Variants in CLCN5 observed in about 807,000 individuals in gnomAD.
CLCN5 encodes Cl-/H+ antiporter 5.
CLCN5 carries 17 observed loss-of-function variants against 54.0 expected under a neutral mutation model. That is an observed-to-expected ratio of 0.31 (90% CI 0.22 to 0.47). The LOEUF is 0.47. CLCN5 is among the 20% of genes least tolerant of loss of function. The pLI is 1.00. For synonymous variants in CLCN5, 222 were observed against 233.0 expected (o/e 0.95, Z 0.43); for missense variants, 448 against 646.7 (o/e 0.69, Z 3.33).
intron 3 of CLCN5, among the ~76,000 whole-genome samples, chrX:49,980,393 C>T (rs1169294026): frequency 9.0e-6 from 1 of 111,629 alleles, no homozygotes; most frequent in African/African-American, 3.2e-5. Context: ...TGATTGGAAA[C>T]ATTAATATCA....
At position 50,069,465 on chromosome X, in the gene CLCN5, G is replaced by A. The variant is rs1259736005; in HGVS notation, c.164-414G>A. 6.8e-5 allele frequency: 51 copies of A among 755,294 alleles called. No homozygotes were observed. In the Admixed American group the frequency reaches 3.6e-3, roughly 53 times the overall value. 62.2% of individuals were successfully genotyped at this position (755,294 alleles called of 1,213,427 possible). A position where few individuals can be genotyped will look rare whatever the true frequency, so the allele number is the denominator to read the frequency against. On this transcript the variant is annotated intron_variant, in intron 4 of 14. Transcript: ENST00000376091. Reference sequence around the variant, plus strand: ...CAGCCAGGCAAAAACCACTTCATAGGATTGAATTATTGCCTTATAAATGTA... The same window carrying A: ...CAGCCAGGCAAAAACCACTTCATAGAATTGAATTATTGCCTTATAAATGTA...
intron 3 of CLCN5, among the ~76,000 whole-genome samples, chrX:49,994,897 A>G (rs1335040147): frequency 8.9e-6 from 1 of 112,125 alleles, no homozygotes; most frequent in Non-Finnish European, 1.9e-5. Context: ...TGCAACTAAG[A>G]TGCAGAAACA....
chrX:49,945,200 A>G (rs1430262306), intron 3 of CLCN5: 1 of 111,813 alleles, frequency 8.9e-6, no homozygotes, highest in Non-Finnish European at 1.9e-5. Flanking sequence ...ATGTGGCACA[A>G]TAAGACTTTT....
intron 3 of CLCN5, among the ~76,000 whole-genome samples, chrX:49,997,306 A>G (rs1160225261): frequency 1.8e-5 from 2 of 110,553 alleles, no homozygotes; most frequent in Admixed American, 1.9e-4. Context: ...TTATTTCAGG[A>G]TTTTTCAGGA....
chrX:50,066,316 C>A (rs1557190871), intron 4 of CLCN5, among the ~76,000 whole-genome samples: 1 of 110,916 alleles, frequency 9.0e-6, no homozygotes, highest in African/African-American at 3.3e-5. Context: ...CAATCCTCCT[C>A]CTTAATGCTA....
intron 3 of CLCN5, among the ~76,000 whole-genome samples, chrX:50,012,396 C>A (rs1242744447): frequency 8.9e-6 from 1 of 112,418 alleles, no homozygotes; most frequent in Non-Finnish European, 1.9e-5. Flanking sequence ...CTCACACATG[C>A]ATATGAAGAA....
At chrX:49,948,323 G>T (rs1296416311) in intron 3 of CLCN5, among the ~76,000 whole-genome samples, 1 of 110,985 alleles carries the variant, frequency 9.0e-6, no homozygotes, top group Admixed American at 9.7e-5. Flanking sequence ...TCCAGGTGTT[G>T]AGTCCCAGAT....
At chrX:49,924,164 G>GTTTTTTTTTT (rs1925217923) in intron 2 of CLCN5, among the ~76,000 whole-genome samples, 6 of 81,505 alleles carry the variant, frequency 7.4e-5, no homozygotes, top group African/African-American at 3.1e-4. Flanking sequence ...TTTTTTTTTG[G>GTTTTTTTTTT]TTTGAGCCGG....
rs1357207969 is a variant in CLCN5, at chrX:50,090,029, G to A, written c.1745-87G>A. On this transcript the variant is annotated intron_variant, in intron 12 of 14. Coordinates refer to ENST00000376091, the MANE Select transcript of CLCN5 (RefSeq NM_001127898.4). Reference sequence around the variant, plus strand: ...TTGTAGGTGAGACCTCATTGTTTTTGGTAGGTCAGCTTTTCCTGGAAAGGC... The same window carrying A: ...TTGTAGGTGAGACCTCATTGTTTTTAGTAGGTCAGCTTTTCCTGGAAAGGC... 34 of 997,154 alleles carry A rather than the reference G, an allele frequency of 3.4e-5. No individual in the cohort carries two copies. In the East Asian group the frequency reaches 1.0e-3, roughly 30 times the overall value. The allele number at this position is 997,154 out of a possible 1,213,427, so 82.2% of individuals were successfully genotyped here. A position where few individuals can be genotyped will look rare whatever the true frequency, so the allele number is the denominator to read the frequency against.
In CLCN5 at chrX:50,067,546, T is replaced by G. The variant is rs41310663; in HGVS notation, c.164-2333T>G. ...TGGTCCAAAGGTCTGGTCACGTGAC[T>G]CCAACAGTGACATCACATTCTGACC... On this transcript the variant is annotated intron_variant, in intron 4 of 14. Coordinates refer to ENST00000376091, the MANE Select transcript of CLCN5 (RefSeq NM_001127898.4). 6.0e-4 allele frequency: 447 copies of G among 739,353 alleles called. No individual in the cohort carries two copies. Among genetic ancestry groups the G allele is most frequent in the Admixed American group, 7.1e-4 (8 of 11,208 alleles). The allele number at this position is 739,353 out of a possible 1,213,427, so 60.9% of individuals were successfully genotyped here. A position where few individuals can be genotyped will look rare whatever the true frequency, so the allele number is the denominator to read the frequency against.
At chrX:50,055,891 G>C (rs1444405949) in intron 4 of CLCN5, among the ~76,000 whole-genome samples, 1 of 110,225 alleles carries the variant, frequency 9.1e-6, no homozygotes, top group African/African-American at 3.3e-5. Flanking sequence ...GTACACATCA[G>C]TCTACTTCTT....
chrX:49,984,178 C>G (rs1368015707), intron 3 of CLCN5, among the ~76,000 whole-genome samples: 1 of 111,554 alleles, frequency 9.0e-6, no homozygotes, highest in African/African-American at 3.3e-5. Flanking sequence ...ATTTTTTACC[C>G]TATTTATTCA....
At chrX:50,011,893 G>A (rs782166629) in intron 3 of CLCN5, among the ~76,000 whole-genome samples, 14 of 111,689 alleles carry the variant, frequency 1.3e-4, no homozygotes, top group African/African-American at 4.2e-4. Context: ...GTACCTGGAT[G>A]CAAGTGCTGT....
At chrX:49,956,685 T>G (rs1927340983) in intron 3 of CLCN5, among the ~76,000 whole-genome samples, 1 of 112,120 alleles carries the variant, frequency 8.9e-6, no homozygotes, top group Non-Finnish European at 1.9e-5. Context: ...AGCTGTAAAG[T>G]GATGTGTTAC....
intron 3 of CLCN5, among the ~76,000 whole-genome samples, chrX:49,998,013 A>G (rs1929615027): frequency 9.0e-6 from 1 of 110,915 alleles, no homozygotes; most frequent in African/African-American, 3.3e-5. Flanking sequence ...TCTTTGAGTG[A>G]TATTTCCCTA....
chrX:50,005,774 A>G (rs1422180209), intron 3 of CLCN5, among the ~76,000 whole-genome samples: 1 of 111,244 alleles, frequency 9.0e-6, no homozygotes, highest in Non-Finnish European at 1.9e-5. Context: ...TTCAGAGATG[A>G]AAAAAATGTA....
intron 3 of CLCN5, among the ~76,000 whole-genome samples, chrX:50,013,644 C>G (rs1024780874): frequency 1.8e-5 from 2 of 112,395 alleles, no homozygotes; most frequent in African/African-American, 6.5e-5. Flanking sequence ...ATTATCTAAA[C>G]TTGCCTGCAA....
At chrX:50,088,060 A>G (rs1557194251) in intron 11 of CLCN5, among the ~76,000 whole-genome samples, 1 of 112,285 alleles carries the variant, frequency 8.9e-6, no homozygotes, top group Non-Finnish European at 1.9e-5. Flanking sequence ...TACTGTTACA[A>G]AATAGACTGA....
chrX:49,989,259 G>A (rs1929139373), intron 3 of CLCN5, among the ~76,000 whole-genome samples: 1 of 109,970 alleles, frequency 9.1e-6, no homozygotes, highest in Admixed American at 9.7e-5. Flanking sequence ...AAACATGTTC[G>A]TAGGGACGGG....
Sources: allele counts gnomAD v4.1 joint callset (sites outside exome capture counted in the v4.1 genomes callset), GRCh38; gene constraint gnomAD v4.1.1; transcripts MANE v1.5; gene names NCBI Gene and HGNC (gene_info 2026-07-23, HGNC 2026-07-21).